SYT2: variants seen among roughly 807,000 people sequenced by gnomAD.
SYT2 encodes the protein synaptotagmin 2.
SYT2 carries 15 observed loss-of-function variants against 39.9 expected under a neutral mutation model. The observed-to-expected ratio is 0.38, with a 90% CI of 0.25 to 0.58. The LOEUF is 0.58. Among genes scored for constraint, SYT2 ranks in the 20% least tolerant of loss-of-function variants. The probability of loss-of-function intolerance (pLI) is 0.70; values close to 1 mark genes in which losing one functional copy is unlikely to be tolerated. For synonymous variants in SYT2, 181 were observed against 204.5 expected (o/e 0.89, Z 0.98); for missense variants, 389 against 530.3 (o/e 0.73, Z 2.62).
At chr1:202,615,109 C>T (rs534400754) in intron 1 of SYT2, among the ~76,000 whole-genome samples, 7 of 152,252 alleles carry the variant, frequency 4.6e-5, no homozygotes, top group South Asian at 4.1e-4. Flanking sequence ...GAAAGACAGA[C>T]GGCATTCCCG....
chr1:202,679,749 T>G (rs1482272901), intron 1 of SYT2, among the ~76,000 whole-genome samples: 1 of 152,156 alleles, frequency 6.6e-6, no homozygotes, highest in Non-Finnish European at 1.5e-5. Context: ...CTGCTTAATA[T>G]CCTTCAATGG....
chr1:202,595,350 C>T lies in SYT2; in HGVS notation c.*1407G>A, dbSNP rs1690251335. On this transcript the variant is annotated 3_prime_UTR_variant, in exon 9 of 9. Coordinates refer to ENST00000367268, the MANE Select transcript of SYT2 (RefSeq NM_177402.5). ...CTCTGCTACTCATTTGGAATGGATGCCCTTTGTTTCTTAGCATTCATAGAG... is the reference window on the plus strand; with the variant it reads ...CTCTGCTACTCATTTGGAATGGATGTCCTTTGTTTCTTAGCATTCATAGAG... 1 of 152,210 alleles carries T rather than the reference C, an allele frequency of 6.6e-6. No homozygotes were observed. The highest frequency in any genetic ancestry group is 1.5e-5 in the Non-Finnish European group (1 of 68,046). The allele number at this position is 152,210 out of a possible 1,614,324, so 9.4% of individuals were successfully genotyped here.
rs1691473438 is a variant in SYT2 at position 202,628,217 on chromosome 1, G to A, written c.-17-22428C>T. On this transcript the variant is annotated intron_variant, in intron 1 of 8. Transcript: ENST00000367268. This position sits in a 1 kb window ranked among gnomAD's most constrained non-coding sequence, Gnocchi z 4.2. ...TTGTAATTGAGGAAACTGGGCCTCA[G>A]GGGGAGCGAAACAGGTCACTCGCTC... Among the ~76,000 whole-genome samples, 1 of 152,204 alleles carries A rather than the reference G, an allele frequency of 6.6e-6. No individual in the cohort carries two copies. Among genetic ancestry groups the A allele is most frequent in the Non-Finnish European group, 1.5e-5 (1 of 68,028 alleles).
At chr1:202,630,966 G>T (rs536182626) in intron 1 of SYT2, among the ~76,000 whole-genome samples, 26 of 152,272 alleles carry the variant, frequency 1.7e-4, no homozygotes, top group Middle Eastern at 3.4e-3. Flanking sequence ...ACACAGCCCA[G>T]GATGAAGCAC....
intron 1 of SYT2, among the ~76,000 whole-genome samples, chr1:202,707,538 G>C (rs191661251): frequency 3.3e-5 from 5 of 152,284 alleles, no homozygotes; most frequent in Admixed American, 3.3e-4. Flanking sequence ...GTGAAGTAGT[G>C]TTTCTACTCA....
At chr1:202,600,723 G>A (rs977118348) in intron 6 of SYT2, among the ~76,000 whole-genome samples, 5 of 152,232 alleles carry the variant, frequency 3.3e-5, no homozygotes, top group African/African-American at 7.2e-5. Context: ...GATGCTGACA[G>A]ATGAGGGGGG....
At position 202,604,397 on chromosome 1, in the gene SYT2, C is replaced by T. The variant is rs946560689; in HGVS notation, c.345+58G>A. On this transcript the variant is annotated intron_variant, in intron 3 of 8. Transcript: ENST00000367268. ...CAGGAGCCTTTGCTTCCCCTTTCAG[C>T]ATCAGGAAAGCCTGGGCTGAGCCCC... 3.1e-5 allele frequency: 48 copies of T among 1,561,396 alleles called. No homozygotes were observed. In the South Asian group the frequency reaches 5.2e-4, roughly 17 times the overall value.
chr1:202,689,866 C>G (rs1424660307), intron 1 of SYT2, among the ~76,000 whole-genome samples: 1 of 151,842 alleles, frequency 6.6e-6, no homozygotes, highest in African/African-American at 2.4e-5. Flanking sequence ...TTCCCCCTCC[C>G]CTGTAAAGTA....
chr1:202,627,726 T>C (rs950789998), intron 1 of SYT2: 126 of 642,858 alleles, frequency 2.0e-4, no homozygotes, highest in Non-Finnish European at 2.2e-4. Context: ...TTTAATTGCT[T>C]AAAAATCCAC....
intron 8 of SYT2, among the ~76,000 whole-genome samples, chr1:202,597,999 C>T (rs1349777354): frequency 6.6e-6 from 1 of 152,206 alleles, no homozygotes. Flanking sequence ...TCCTCCGCTT[C>T]ATGGACATTG....
At chr1:202,663,640 T>C (rs970611666) in intron 1 of SYT2, among the ~76,000 whole-genome samples, 3 of 152,222 alleles carry the variant, frequency 2.0e-5, no homozygotes, top group Non-Finnish European at 2.9e-5. Flanking sequence ...TATATAAGAA[T>C]ATTCTACAAT....
intron 1 of SYT2, among the ~76,000 whole-genome samples, chr1:202,653,581 A>G (rs1692228882): frequency 1.3e-5 from 2 of 151,826 alleles, no homozygotes; most frequent in Admixed American, 6.6e-5. Flanking sequence ...ATGCCCAAAG[A>G]CCATCCCCAG....
Position 202,597,137 on chromosome 1 carries a change from C to CT in SYT2, c.1054-175dup, listed in dbSNP as rs79608501. 0.093 allele frequency among the ~76,000 whole-genome samples: 14,163 copies of CT among 152,236 alleles called. 1,057 individuals are homozygous for CT. Among genetic ancestry groups the CT allele is most frequent in the East Asian group, 0.35 (1,822 of 5,166 alleles). On this transcript the variant is annotated intron_variant, in intron 8 of 8. Transcript: ENST00000367268. ...ATTGACATGGAGGCAGAGGCCACGC[C>CT]TTTGGCAGCCTTTGTTTCTACCACT...
intron 1 of SYT2, among the ~76,000 whole-genome samples, chr1:202,608,284 T>C (rs1445999314): frequency 3.7e-5 from 1 of 27,184 alleles, no homozygotes; most frequent in African/African-American, 5.1e-5. Context: ...ATAGAAAACA[T>C]TTTTTTTTTT....
chr1:202,694,050 G>A (rs962032867), intron 1 of SYT2, among the ~76,000 whole-genome samples: 1 of 152,146 alleles, frequency 6.6e-6, no homozygotes, highest in Admixed American at 6.5e-5. Flanking sequence ...ATTACCACGA[G>A]GAGGACACCA....
At chr1:202,606,605 C>T (rs1296263203) in intron 1 of SYT2, among the ~76,000 whole-genome samples, 1 of 152,138 alleles carries the variant, frequency 6.6e-6, no homozygotes, top group Non-Finnish European at 1.5e-5. Context: ...TGTAGGAAGA[C>T]GGCACCCACA....
intron 1 of SYT2, among the ~76,000 whole-genome samples, chr1:202,701,998 C>T (rs1360569599): frequency 6.6e-6 from 1 of 152,246 alleles, no homozygotes; most frequent in Non-Finnish European, 1.5e-5. Flanking sequence ...CCCTACAGAA[C>T]ATGCTGTGGG....
At chr1:202,613,061 GTTCTTCCTTTTTT>G (rs1690929462) in intron 1 of SYT2, among the ~76,000 whole-genome samples, 4 of 133,838 alleles carry the variant, frequency 3.0e-5, no homozygotes, top group Non-Finnish European at 6.2e-5. Context: ...GAACTCATTG[GTTCTTCCTTTTTT>G]TTTTTTTTTT....
intron 1 of SYT2, among the ~76,000 whole-genome samples, chr1:202,630,067 A>C: frequency 6.6e-6 from 1 of 152,152 alleles, no homozygotes; most frequent in East Asian, 1.9e-4. Flanking sequence ...ATGGGAGGAA[A>C]GCTCCGAAGA....
Sources: gnomAD v4.1 joint callset for allele counts (sites outside exome capture counted in the v4.1 genomes callset) on GRCh38, gnomAD v4.1.1 for gene constraint, Gnocchi (gnomAD v3.1) non-coding constraint, MANE v1.5 for transcripts, NCBI Gene and HGNC (gene_info 2026-07-23, HGNC 2026-07-21) for gene names.